Variants in PCSK5 observed in about 807,000 individuals in gnomAD.
PCSK5 encodes prohormone convertase 5.
Under a neutral mutation model 233.2 loss-of-function variants are expected in PCSK5, and 129 were observed. The ratio of observed to expected loss-of-function variants is 0.55; its 90% CI spans 0.48 to 0.64. PCSK5 has a LOEUF of 0.64. Ranked by LOEUF, PCSK5 falls within the 30% of genes least tolerant of loss-of-function variation. The probability of loss-of-function intolerance (pLI) is 0.00; values close to 1 mark genes in which losing one functional copy is unlikely to be tolerated. For missense variants in PCSK5, 2,076 were observed against 2,430.1 expected, an observed-to-expected ratio of 0.85 and a Z score of 3.06; for synonymous variants, 825 against 879.2, an observed-to-expected ratio of 0.94 and a Z score of 1.09.
intron 9 of PCSK5, among the ~76,000 whole-genome samples, chr9:76,133,903 T>C (rs1213100046): frequency 1.3e-5 from 2 of 152,068 alleles, no homozygotes; most frequent in African/African-American, 4.8e-5. Context: ...AAGGTTACAT[T>C]TTCTGCCTCC....
intron 20 of PCSK5, among the ~76,000 whole-genome samples, chr9:76,192,760 CTAAAAT>C (rs1410622808): frequency 6.6e-6 from 1 of 152,110 alleles, no homozygotes; most frequent in East Asian, 1.9e-4. Flanking sequence ...TTTAATAAGT[CTAAAAT>C]TAAAATTCTA....
chr9:76,084,538 G>C (rs539555454), intron 7 of PCSK5, among the ~76,000 whole-genome samples: 6 of 152,244 alleles, frequency 3.9e-5, no homozygotes, highest in African/African-American at 1.4e-4. Context: ...GGTTTGGTTC[G>C]TTCTGTTTAT....
At chr9:76,273,812 T>C (rs1220781841) in intron 24 of PCSK5, among the ~76,000 whole-genome samples, 1 of 149,726 alleles carries the variant, frequency 6.7e-6, no homozygotes, top group Non-Finnish European at 1.5e-5. Flanking sequence ...TTTAATTTTT[T>C]TTTTCTTTTT....
rs181100473 is a variant in PCSK5 at position 75,975,227 on chromosome 9, C to G, written c.298-10905C>G. ...TGATCAAAACCATAGCAGTAGGAGC[C>G]GTGGAAATTTAGAAACAATAGCCAT... On this transcript the variant is annotated intron_variant, in intron 2 of 37. Coordinates refer to ENST00000674117, the MANE Select transcript of PCSK5 (RefSeq NM_001372043.1). 4.4e-4 allele frequency among the ~76,000 whole-genome samples: 67 copies of G among 152,074 alleles called. 1 individual carries two copies. The highest frequency in any genetic ancestry group is 1.2e-3 in the Admixed American group (18 of 15,268).
At chr9:75,916,013 A>G (rs1319113059) in intron 1 of PCSK5, among the ~76,000 whole-genome samples, 1 of 152,184 alleles carries the variant, frequency 6.6e-6, no homozygotes, top group Admixed American at 6.5e-5. Flanking sequence ...CTTATTTGAC[A>G]TATATTTAAG....
chr9:75,997,956 G>C (rs1296134060), intron 3 of PCSK5, among the ~76,000 whole-genome samples: 1 of 152,078 alleles, frequency 6.6e-6, no homozygotes, highest in Non-Finnish European at 1.5e-5. Context: ...CTTATAAAAA[G>C]CCTACTGGTA....
At chr9:76,190,839 C>G (rs778837900) in intron 20 of PCSK5, among the ~76,000 whole-genome samples, 30 of 152,090 alleles carry the variant, frequency 2.0e-4, no homozygotes, top group Non-Finnish European at 4.1e-4. Context: ...CAGCACCATC[C>G]CCAAATATTC....
At chr9:76,149,457 C>A (rs1449002701) in intron 10 of PCSK5, among the ~76,000 whole-genome samples, 2 of 151,976 alleles carry the variant, frequency 1.3e-5, no homozygotes, top group Non-Finnish European at 2.9e-5. Context: ...AAAAGCAAAG[C>A]AAAACTAAAG....
chr9:76,216,647 T>A (rs1315346626), intron 20 of PCSK5, among the ~76,000 whole-genome samples: 1 of 152,144 alleles, frequency 6.6e-6, no homozygotes, highest in Admixed American at 6.5e-5. Context: ...ACTGTAGATT[T>A]AGTATTGGGG....
At chr9:76,310,878 C>G in intron 30 of PCSK5, 27 bp downstream of exon 30, 1 of 1,444,522 alleles carries the variant, frequency 6.9e-7, no homozygotes. Flanking sequence ...ATTTTACTTC[C>G]TGCTTGTAAT....
intron 10 of PCSK5, among the ~76,000 whole-genome samples, chr9:76,138,164 G>C (rs1183830876): frequency 6.6e-6 from 1 of 152,086 alleles, no homozygotes; most frequent in Non-Finnish European, 1.5e-5. Context: ...GGGACACCAT[G>C]GCGTTGACTA....
chr9:75,994,387 T>A lies in PCSK5; in HGVS notation c.411+8142T>A. Among the ~76,000 whole-genome samples, 3 of 28,540 alleles carry A rather than the reference T, an allele frequency of 1.1e-4. 1 individual carries two copies. Among genetic ancestry groups the A allele is most frequent in the East Asian group, 0.013 (2 of 154 alleles). 18.7% of individuals were successfully genotyped at this position (28,540 alleles called of 152,430 possible). A position where few individuals can be genotyped will look rare whatever the true frequency, so the allele number is the denominator to read the frequency against. ...TCCCAACCTCCCAGTTTCTTTCTTT[T>A]CTTTCTTTCTTTCTTTTTTTTTTTT... On this transcript the variant is annotated intron_variant, in intron 3 of 37. Coordinates refer to ENST00000674117, the MANE Select transcript of PCSK5 (RefSeq NM_001372043.1).
intron 24 of PCSK5, among the ~76,000 whole-genome samples, chr9:76,280,766 C>A (rs1319994391): frequency 4.0e-5 from 6 of 151,812 alleles, no homozygotes; most frequent in Non-Finnish European, 7.4e-5. Flanking sequence ...AAAAGATAGG[C>A]TGAAATCTAG....
chr9:76,164,589 C>T (rs900481846), intron 12 of PCSK5, among the ~76,000 whole-genome samples: 5 of 152,156 alleles, frequency 3.3e-5, no homozygotes, highest in South Asian at 2.1e-4. Flanking sequence ...TATCAGTCTG[C>T]GGTGAGGTCC....
chr9:76,251,969 T>C (rs1204680513), intron 24 of PCSK5, among the ~76,000 whole-genome samples: 1 of 151,878 alleles, frequency 6.6e-6, no homozygotes, highest in African/African-American at 2.4e-5. Context: ...TTTTTGCAAT[T>C]ATAAAAAGAT....
intron 2 of PCSK5, among the ~76,000 whole-genome samples, chr9:75,965,261 A>ATGTGTG (rs71372035): frequency 1.2e-3 from 183 of 149,808 alleles, no homozygotes; most frequent in African/African-American, 3.4e-3. Context: ...ATGTGTGTAT[A>ATGTGTG]TGTGTGTGTG....
At chr9:76,198,272 G>A (rs761792674) in intron 20 of PCSK5, among the ~76,000 whole-genome samples, 6 of 152,124 alleles carry the variant, frequency 3.9e-5, no homozygotes, top group Non-Finnish European at 8.8e-5. Flanking sequence ...CAGGTGTCAG[G>A]CAACAAAAGA....
At chr9:76,266,524 T>C (rs1266529299) in intron 24 of PCSK5, among the ~76,000 whole-genome samples, 1 of 152,198 alleles carries the variant, frequency 6.6e-6, no homozygotes, top group Non-Finnish European at 1.5e-5. Flanking sequence ...ACAGCAGTGT[T>C]TTTATGGAAA....
chr9:76,039,549 T>A (rs1291336456), intron 5 of PCSK5, among the ~76,000 whole-genome samples: 2 of 152,212 alleles, frequency 1.3e-5, no homozygotes. Flanking sequence ...AGGTAAATTG[T>A]TTAATAAAAT....
Sources: allele counts gnomAD v4.1 joint callset (sites outside exome capture counted in the v4.1 genomes callset), GRCh38; gene constraint gnomAD v4.1.1; transcripts MANE v1.5; gene names NCBI Gene and HGNC (gene_info 2026-07-23, HGNC 2026-07-21).